Variants in PDLIM5 observed in about 807,000 individuals in gnomAD.
The protein encoded by PDLIM5 is PDZ and LIM domain 5.
PDLIM5 carries 34 observed loss-of-function variants against 64.2 expected under a neutral mutation model. That is an observed-to-expected ratio of 0.53 (90% CI 0.40 to 0.71). PDLIM5 has a LOEUF of 0.71. Ranked by LOEUF, PDLIM5 falls within the 30% of genes least tolerant of loss-of-function variation. The pLI is 0.00. For missense variants in PDLIM5, 683 were observed against 733.6 expected, an observed-to-expected ratio of 0.93 and a Z score of 0.80; for synonymous variants, 253 against 269.1, an observed-to-expected ratio of 0.94 and a Z score of 0.59.
intron 9 of PDLIM5, among the ~76,000 whole-genome samples, chr4:94,640,721 G>A (rs1487406018): frequency 6.6e-6 from 1 of 152,038 alleles, no homozygotes; most frequent in Admixed American, 6.5e-5. Flanking sequence ...AGTGATTAAT[G>A]TGGCCTTTCA....
chr4:94,657,526 G>C lies in PDLIM5; in HGVS notation c.1564G>C (p.Gly522Arg). The change falls in exon 11 of 13, where the codon GGT becomes CGT. Residue 522 changes from glycine (G) to arginine (R), a missense_variant. By Grantham distance (125) the Gly-to-Arg change is moderately radical. Coordinates refer to ENST00000317968, the MANE Select transcript of PDLIM5 (RefSeq NM_006457.5). The part of the protein sequence containing the change: ...IRNNVFHLED[G>R]EPYCETDYYA... Reference sequence around the variant, plus strand: ...GAACAATGTTTTTCACTTGGAGGATGGTGAACCCTACTGTGAGACTGGTAA... The same window carrying C: ...GAACAATGTTTTTCACTTGGAGGATCGTGAACCCTACTGTGAGACTGGTAA... 6.2e-7 allele frequency: 1 copy of C among 1,611,070 alleles called. No individual in the cohort carries two copies.
At chr4:94,574,679 G>T (rs986046630) in intron 4 of PDLIM5, among the ~76,000 whole-genome samples, 1 of 151,994 alleles carries the variant, frequency 6.6e-6, no homozygotes, top group Non-Finnish European at 1.5e-5. Flanking sequence ...CCGCCTCCTG[G>T]GATTTATTCT....
At chr4:94,536,791 G>A (rs1731357710) in intron 3 of PDLIM5, among the ~76,000 whole-genome samples, 1 of 152,122 alleles carries the variant, frequency 6.6e-6, no homozygotes, top group Non-Finnish European at 1.5e-5. Context: ...CATAGCTCAA[G>A]GAATTTTTGA....
intron 5 of PDLIM5, among the ~76,000 whole-genome samples, chr4:94,577,758 A>G (rs990423862): frequency 8.5e-5 from 13 of 152,074 alleles, no homozygotes; most frequent in Non-Finnish European, 1.5e-4. Flanking sequence ...ACATCCATTG[A>G]AGGAAGTGTC....
intron 4 of PDLIM5, 171 bp downstream of exon 4, chr4:94,573,564 A>C: frequency 2.8e-6 from 2 of 705,940 alleles, no homozygotes; most frequent in South Asian, 1.5e-5. Flanking sequence ...AGATCAGCAC[A>C]TACCATTTGT....
chr4:94,499,449 T>C (rs1267391808), intron 2 of PDLIM5, among the ~76,000 whole-genome samples: 1 of 152,162 alleles, frequency 6.6e-6, no homozygotes, highest in Non-Finnish European at 1.5e-5. Context: ...AGGTTCTGCA[T>C]CTGTGGATTG....
At chr4:94,583,560 T>A (rs1735915629) in intron 5 of PDLIM5, among the ~76,000 whole-genome samples, 1 of 152,170 alleles carries the variant, frequency 6.6e-6, no homozygotes, top group Non-Finnish European at 1.5e-5. Context: ...AAAGGCAGTG[T>A]GTTTATGAAG....
intron 5 of PDLIM5, chr4:94,585,102 T>G (rs554476029): frequency 1.4e-6 from 1 of 710,028 alleles, no homozygotes; most frequent in African/African-American, 1.8e-5. Context: ...TTGTTTTGTT[T>G]TTTTGTGAAA....
At chr4:94,455,813 C>T in intron 2 of PDLIM5, 1 of 1,496,202 alleles carries the variant, frequency 6.7e-7, no homozygotes, top group Non-Finnish European at 9.0e-7. Flanking sequence ...GGAATTATTT[C>T]CTCAGCTCAC....
At chr4:94,573,693 C>A in intron 4 of PDLIM5, 1 of 341,604 alleles carries the variant, frequency 2.9e-6, no homozygotes, top group Non-Finnish European at 5.4e-6. Context: ...CTTATATTTT[C>A]TAAAGAGAAT....
intron 1 of PDLIM5, among the ~76,000 whole-genome samples, chr4:94,452,345 C>T (rs571194590): frequency 2.3e-3 from 349 of 152,262 alleles, no homozygotes; most frequent in African/African-American, 8.0e-3. Context: ...GGCACTGCCG[C>T]TCCCACCCAC....
In PDLIM5 at chr4:94,666,086, T is replaced by G; in HGVS notation, c.*2019T>G. 1 of 1,445,496 alleles carries G rather than the reference T, an allele frequency of 6.9e-7. No homozygotes were observed. The highest frequency in any genetic ancestry group is 1.2e-5 in the South Asian group (1 of 81,352). The allele number at this position is 1,445,496 out of a possible 1,614,324, so 89.5% of individuals were successfully genotyped here. ...TTAAATTTGTTTGGGGCAAGGTGAT[T>G]TTATAGTCGAGACAGAGCCCTAGGT... is the stretch of plus-strand genomic sequence containing the variant. On this transcript the variant is annotated 3_prime_UTR_variant, in exon 13 of 13. Coordinates refer to ENST00000317968, the MANE Select transcript of PDLIM5 (RefSeq NM_006457.5).
At position 94,661,969 on chromosome 4, in the gene PDLIM5, C is replaced by T. The variant is rs1456386521; in HGVS notation, c.1586-453C>T. Among the ~76,000 whole-genome samples, 8 of 152,132 alleles carry T rather than the reference C, an allele frequency of 5.3e-5. No homozygotes were observed. The South Asian group carries it at 1.0e-3, about 20-fold the overall frequency. ...CCGAGTAGCTGGGACTACAGGCATG[C>T]GCCACCACGCCCAGCTAATTTTTGT... On this transcript the variant is annotated intron_variant, in intron 11 of 12. Coordinates refer to ENST00000317968, the MANE Select transcript of PDLIM5 (RefSeq NM_006457.5).
At chr4:94,593,103 G>A (rs996821126) in intron 7 of PDLIM5, among the ~76,000 whole-genome samples, 10 of 151,988 alleles carry the variant, frequency 6.6e-5, no homozygotes, top group East Asian at 1.9e-4. Flanking sequence ...GTTTCCTACC[G>A]AAGTTTGAGC....
chr4:94,648,430 C>A, intron 9 of PDLIM5, among the ~76,000 whole-genome samples: 1 of 152,202 alleles, frequency 6.6e-6, no homozygotes, highest in East Asian at 1.9e-4. Flanking sequence ...AGGGATTCTC[C>A]TGCCTTGGCC....
At chr4:94,611,614 T>C (rs963211522) in intron 7 of PDLIM5, among the ~76,000 whole-genome samples, 3 of 152,234 alleles carry the variant, frequency 2.0e-5, no homozygotes, top group Non-Finnish European at 2.9e-5. Context: ...TTGTTAAATA[T>C]GAAGGTTTTG....
At chr4:94,626,587 G>A (rs1206644628) in intron 8 of PDLIM5, among the ~76,000 whole-genome samples, 3 of 152,144 alleles carry the variant, frequency 2.0e-5, no homozygotes, top group African/African-American at 7.2e-5. Context: ...CAACTGCTAA[G>A]ATCTGTTTCA....
At position 94,480,988 on chromosome 4, in the gene PDLIM5, T is replaced by C. The variant is rs533671480; in HGVS notation, c.96+25604T>C. Among the ~76,000 whole-genome samples the C allele has an allele frequency of 5.3e-5, 8 of 152,372 alleles. No individual in the cohort carries two copies. The South Asian group carries it at 1.7e-3, about 32-fold the overall frequency. On this transcript the variant is annotated intron_variant, in intron 2 of 12. Coordinates refer to ENST00000317968, the MANE Select transcript of PDLIM5 (RefSeq NM_006457.5). The stretch of plus-strand genomic sequence containing the variant: ...GTTTTGGTTTTTATGAACCTTGATA[T>C]TAAATGATGTTAAGCTGTTATTATA...
At chr4:94,559,970 T>C (rs2110236162) in intron 3 of PDLIM5, among the ~76,000 whole-genome samples, 1 of 152,316 alleles carries the variant, frequency 6.6e-6, no homozygotes, top group Middle Eastern at 3.4e-3. Context: ...GATTTCTTTG[T>C]GGGGATTAGG....
Sources: allele counts gnomAD v4.1 joint callset (sites outside exome capture counted in the v4.1 genomes callset), GRCh38; gene constraint gnomAD v4.1.1; transcripts MANE v1.5; gene names NCBI Gene and HGNC (gene_info 2026-07-23, HGNC 2026-07-21).